Variants in CD274 observed in about 807,000 individuals in gnomAD.
The protein encoded by CD274 is programmed cell death 1 ligand 1.
A neutral mutation model predicts 30.1 loss-of-function variants in CD274; 8 were observed. That is an observed-to-expected ratio of 0.27 (90% CI 0.16 to 0.48). The LOEUF (loss-of-function observed/expected upper bound fraction) is 0.48. CD274 is among the 20% of genes least tolerant of loss of function. The pLI is 0.99. For missense variants in CD274, 353 were observed against 346.6 expected, an observed-to-expected ratio of 1.02 and a Z score of -0.15; for synonymous variants, 152 against 124.6, an observed-to-expected ratio of 1.22 and a Z score of -1.46.
intron 1 of CD274, among the ~76,000 whole-genome samples, chr9:5,455,609 T>C (rs922629888): frequency 6.6e-6 from 1 of 152,192 alleles, no homozygotes; most frequent in Non-Finnish European, 1.5e-5. Flanking sequence ...AGGACTAGCA[T>C]GGCTGAGACA....
At chr9:5,458,511 T>C (rs747102673) in intron 3 of CD274, among the ~76,000 whole-genome samples, 3 of 152,214 alleles carry the variant, frequency 2.0e-5, no homozygotes, top group Non-Finnish European at 4.4e-5. Flanking sequence ...CATCTCCCCT[T>C]GGTCTTTCCA....
Position 5,457,061 on chromosome 9 carries a change from G to T in CD274, c.53-18G>T, listed in dbSNP as rs866481258. On this transcript the variant is annotated intron_variant, in intron 2 of 6. Coordinates refer to ENST00000381577, the MANE Select transcript of CD274 (RefSeq NM_014143.4). ...AGGAATTTTCCCTTTTCTGAAGATT[G>T]TCCTTCTTTCTTTTTAGCATTTACT... 4 of 1,551,652 alleles carry T rather than the reference G, an allele frequency of 2.6e-6. No individual in the cohort carries two copies. The highest frequency in any genetic ancestry group is 1.7e-4 in the Middle Eastern group (1 of 5,724).
At position 5,462,846 on chromosome 9, in the gene CD274, A is replaced by G. The variant is rs972369904; in HGVS notation, c.407A>G (p.Lys136Arg). The part of the protein sequence containing the change: ...ITVKVNAPYN[K>R]INQRILVVDP... The stretch of plus-strand genomic sequence containing the variant: ...GTTTATGTCCTAGCCCCATACAACA[A>G]AATCAACCAAAGAATTTTGGTTGTG... The change falls in exon 4 of 7, where the codon AAA (lysine) becomes AGA (arginine). Residue 136 changes from lysine to arginine, a missense_variant. Coordinates refer to ENST00000381577, the MANE Select transcript of CD274 (RefSeq NM_014143.4). The G allele has an allele frequency of 3.7e-6, 6 of 1,613,428 alleles. No individual in the cohort carries two copies. Among genetic ancestry groups the G allele is most frequent in the Non-Finnish European group, 4.2e-6 (5 of 1,179,414 alleles).
At chr9:5,463,178 C>G (rs1051840542) in intron 4 of CD274, 57 bp downstream of exon 4, 2 of 1,307,376 alleles carry the variant, frequency 1.5e-6, no homozygotes, top group Non-Finnish European at 2.2e-6. Context: ...TAGCACCTAG[C>G]ATGATGTCTG....
chr9:5,466,078 A>G (rs1200820277), intron 5 of CD274, among the ~76,000 whole-genome samples: 1 of 152,226 alleles, frequency 6.6e-6, no homozygotes, highest in African/African-American at 2.4e-5. Flanking sequence ...ACCTGTGGGA[A>G]CAATTAAAAT....
intron 4 of CD274, among the ~76,000 whole-genome samples, chr9:5,464,124 G>A (rs1210528506): frequency 6.6e-6 from 1 of 152,112 alleles, no homozygotes. Context: ...GAAAGAGGGG[G>A]AAAAAACTTT....
intron 5 of CD274, 79 bp downstream of exon 5, chr9:5,465,685 C>T (rs1052405173): frequency 2.6e-5 from 22 of 848,408 alleles, no homozygotes; most frequent in African/African-American, 8.4e-5. Context: ...CAAGGAAACC[C>T]GACTTAACCT....
At position 5,450,546 on chromosome 9, in the gene CD274, C is replaced by G. The variant is rs1007237402; in HGVS notation, c.-65C>G. 6.6e-6 allele frequency: 1 copy of G among 152,320 alleles called. No homozygotes were observed. Among genetic ancestry groups the G allele is most frequent in the African/African-American group, 2.4e-5 (1 of 41,472 alleles). The allele number at this position is 152,320 out of a possible 1,614,324, so 9.4% of individuals were successfully genotyped here. On this transcript the variant is annotated 5_prime_UTR_variant, in exon 1 of 7. Coordinates refer to ENST00000381577, the MANE Select transcript of CD274 (RefSeq NM_014143.4). Reference sequence around the variant, plus strand: ...TGGCGCGTCCCGCGCGGCCCCAGTTCTGCGCAGCTTCCCGAGGCTCCGCAC... The same window carrying G: ...TGGCGCGTCCCGCGCGGCCCCAGTTGTGCGCAGCTTCCCGAGGCTCCGCAC...
Position 5,451,318 on chromosome 9 carries a change from A to T in CD274, c.-15+722A>T, listed in dbSNP as rs779866884. Among the ~76,000 whole-genome samples, 59 of 152,176 alleles carry T rather than the reference A, an allele frequency of 3.9e-4. 1 individual carries two copies. Among genetic ancestry groups the T allele is most frequent in the Non-Finnish European group, 8.8e-5 (6 of 68,034 alleles). On this transcript the variant is annotated intron_variant, in intron 1 of 6. Coordinates refer to ENST00000381577, the MANE Select transcript of CD274 (RefSeq NM_014143.4). ...AAAAATGTTTTCATTGCTGCATTCG[A>T]TTAGATTGGGTAACTAAATGAAATT...
chr9:5,462,798 A>G lies in CD274; in HGVS notation c.395-36A>G, dbSNP rs775527776. 3.8e-6 allele frequency: 6 copies of G among 1,593,372 alleles called. No individual in the cohort carries two copies. In the East Asian group the frequency reaches 1.3e-4, roughly 36 times the overall value. On this transcript the variant is annotated intron_variant, in intron 3 of 6. Transcript: ENST00000381577. ...AAGCTATGTACGTAGTTCTGTGCTCAGCAAAAGCCCTGACTTCTTTTTGTT... is the reference window on the plus strand; with the variant it reads ...AAGCTATGTACGTAGTTCTGTGCTCGGCAAAAGCCCTGACTTCTTTTTGTT...
chr9:5,470,075 A>G lies in CD274; in HGVS notation c.*2213A>G. 4.3e-6 allele frequency: 1 copy of G among 233,126 alleles called. No individual in the cohort carries two copies. Among genetic ancestry groups the G allele is most frequent in the East Asian group, 6.0e-5 (1 of 16,580 alleles). The allele number at this position is 233,126 out of a possible 1,614,324, so 14.4% of individuals were successfully genotyped here. A position where few individuals can be genotyped will look rare whatever the true frequency, so the allele number is the denominator to read the frequency against. On this transcript the variant is annotated 3_prime_UTR_variant, in exon 7 of 7. Transcript: ENST00000381577. ...TAAGAGGCTTCCTGGAGGTTTCGAGATTCAGATGCCCTGGGAGATCCCAGA... is the reference window on the plus strand; with the variant it reads ...TAAGAGGCTTCCTGGAGGTTTCGAGGTTCAGATGCCCTGGGAGATCCCAGA...
At chr9:5,457,515 A>G in intron 3 of CD274, 95 bp downstream of exon 3, 1 of 945,392 alleles carries the variant, frequency 1.1e-6, no homozygotes, top group Non-Finnish European at 1.6e-6. Flanking sequence ...ACTTATTTTC[A>G]AACAGAACAG....
At position 5,469,824 on chromosome 9, in the gene CD274, G is replaced by A; in HGVS notation, c.*1962G>A. 4.3e-6 allele frequency: 1 copy of A among 232,968 alleles called. No homozygotes were observed. The allele number at this position is 232,968 out of a possible 1,614,324, so 14.4% of individuals were successfully genotyped here. A position where few individuals can be genotyped will look rare whatever the true frequency, so the allele number is the denominator to read the frequency against. ...CACTGAGTCAATCTAGTCCTAAAAA[G>A]CAATCTTATTATTAACTCTGTATGA... On this transcript the variant is annotated 3_prime_UTR_variant, in exon 7 of 7. Transcript: ENST00000381577.
rs573692330 is a variant in CD274, at chr9:5,469,493, A to G, written c.*1631A>G. ...TGTATGTTAAAAGCACGTATTTTTA[A>G]AATTTTTTTCCTAAATAGTAACACA... On this transcript the variant is annotated 3_prime_UTR_variant, in exon 7 of 7. Transcript: ENST00000381577. The G allele has an allele frequency of 9.5e-5, 22 of 231,028 alleles. No homozygotes were observed. The highest frequency in any genetic ancestry group is 5.6e-4 in the Admixed American group (10 of 17,730). 14.3% of individuals were successfully genotyped at this position (231,028 alleles called of 1,614,324 possible).
intron 4 of CD274, chr9:5,463,378 A>G: frequency 4.2e-6 from 2 of 470,784 alleles, no homozygotes; most frequent in South Asian, 5.4e-5. Context: ...ACATAGAATA[A>G]TAAGACTCAG....
intron 2 of CD274, among the ~76,000 whole-genome samples, chr9:5,456,855 T>G (rs2131210256): frequency 6.6e-6 from 1 of 152,328 alleles, no homozygotes; most frequent in East Asian, 1.9e-4. Flanking sequence ...GGCAACTTGT[T>G]TAGCTAATTT....
chr9:5,460,901 G>A (rs1429874392), intron 3 of CD274, among the ~76,000 whole-genome samples: 4 of 152,156 alleles, frequency 2.6e-5, no homozygotes, highest in African/African-American at 7.2e-5. Context: ...TGTATCATAA[G>A]AAACTGCCGT....
intron 1 of CD274, among the ~76,000 whole-genome samples, chr9:5,455,436 CT>C (rs1275809435): frequency 6.6e-6 from 1 of 152,140 alleles, no homozygotes; most frequent in East Asian, 1.9e-4. Context: ...GGAAGAGTGG[CT>C]GTGAGTCATT....
intron 6 of CD274, 111 bp from the exon 7 acceptor site, chr9:5,467,729 A>T: frequency 1.1e-6 from 1 of 903,794 alleles, no homozygotes; most frequent in Non-Finnish European, 1.8e-6. Context: ...CTCATTTCAA[A>T]TTTATCATTT....
Sources: allele counts gnomAD v4.1 joint callset (sites outside exome capture counted in the v4.1 genomes callset), GRCh38; gene constraint gnomAD v4.1.1; transcripts MANE v1.5; gene names NCBI Gene and HGNC (gene_info 2026-07-23, HGNC 2026-07-21).